The following TMPRSS7 variants were observed in gnomAD, a reference collection of about 807,000 sequenced individuals.
The protein encoded by TMPRSS7 is transmembrane serine protease 7.
A neutral mutation model predicts 95.6 loss-of-function variants in TMPRSS7; 81 were observed. The observed-to-expected ratio is 0.85, with a 90% CI of 0.71 to 1.02. The LOEUF is 1.02. Among genes scored for constraint, TMPRSS7 ranks in the 50% least tolerant of loss-of-function variants. The pLI, the probability that TMPRSS7 is intolerant of heterozygous loss-of-function variation, is 0.00. For synonymous variants in TMPRSS7, 364 were observed against 337.8 expected (o/e 1.08, Z -0.85); for missense variants, 945 against 955.2 (o/e 0.99, Z 0.14).
At chr3:112,066,661 C>T (rs2073579985) in intron 13 of TMPRSS7, among the ~76,000 whole-genome samples, 159 bp downstream of exon 13, 1 of 152,156 alleles carries the variant, frequency 6.6e-6, no homozygotes. Context: ...GTCTTGGGAA[C>T]CCCTTTAGTC....
chr3:112,065,314 T>A (rs941439638), intron 12 of TMPRSS7, among the ~76,000 whole-genome samples: 5 of 152,214 alleles, frequency 3.3e-5, no homozygotes, highest in African/African-American at 1.2e-4. Flanking sequence ...ACTGCTGGGA[T>A]TACAGGCACG....
intron 7 of TMPRSS7, 45 bp from the exon 8 acceptor site, chr3:112,049,797 CAA>C (rs774087075): frequency 6.9e-7 from 1 of 1,445,334 alleles, no homozygotes; most frequent in South Asian, 1.6e-5. Context: ...ACCCATTTCT[CAA>C]ATAACGTATT....
At chr3:112,079,720 T>C (rs2073755299) in intron 17 of TMPRSS7, among the ~76,000 whole-genome samples, 1 of 152,258 alleles carries the variant, frequency 6.6e-6, no homozygotes, top group South Asian at 2.1e-4. Context: ...CCACAAAAAC[T>C]CATCCTATAA....
intron 7 of TMPRSS7, among the ~76,000 whole-genome samples, chr3:112,048,913 A>T (rs2073312530): frequency 6.6e-6 from 1 of 152,178 alleles, no homozygotes; most frequent in Non-Finnish European, 1.5e-5. Flanking sequence ...GAAGGCAGGG[A>T]ACTTAAGGCC....
intron 11 of TMPRSS7, among the ~76,000 whole-genome samples, chr3:112,063,275 T>C (rs980907512): frequency 6.6e-6 from 1 of 152,218 alleles, no homozygotes; most frequent in African/African-American, 2.4e-5. Context: ...GAAGTTTGCT[T>C]GTGCATATGA....
At chr3:112,055,533 A>G (rs965370379) in intron 9 of TMPRSS7, among the ~76,000 whole-genome samples, 1 of 152,140 alleles carries the variant, frequency 6.6e-6, no homozygotes, top group Non-Finnish European at 1.5e-5. Flanking sequence ...GAGCAATACA[A>G]GTAATGGGTA....
chr3:112,038,122 G>A (rs1164937561), exon 2 of TMPRSS7: 1 of 702,602 alleles, frequency 1.4e-6, no homozygotes, highest in Non-Finnish European at 2.6e-6. Flanking sequence ...AGCTGCCAGT[G>A]AGACGACCAC....
intron 4 of TMPRSS7, among the ~76,000 whole-genome samples, chr3:112,045,044 A>G (rs1248408711): frequency 1.3e-5 from 2 of 152,226 alleles, no homozygotes; most frequent in South Asian, 2.1e-4. Context: ...TTTCTCACCT[A>G]TAAAACTGGA....
At chr3:112,049,915 C>T (rs768121460) in exon 8 of TMPRSS7, 83 of 1,566,990 alleles carry the variant, frequency 5.3e-5, no homozygotes, top group Non-Finnish European at 7.2e-5. Flanking sequence ...ACATTTAAGT[C>T]TCCTCATATA....
intron 10 of TMPRSS7, among the ~76,000 whole-genome samples, chr3:112,059,741 G>T (rs1259968633): frequency 6.6e-6 from 1 of 152,168 alleles, no homozygotes; most frequent in Non-Finnish European, 1.5e-5. Flanking sequence ...CAGGTTATCA[G>T]TTCCTGTACT....
chr3:112,051,668 C>CTATCATCTATCTATCT (rs61097993), intron 9 of TMPRSS7, among the ~76,000 whole-genome samples: 8 of 127,998 alleles, frequency 6.3e-5, no homozygotes, highest in South Asian at 2.8e-4. Flanking sequence ...ATCTATCTAT[C>CTATCATCTATCTATCT]ATCTATCTAT....
chr3:112,057,912 G>T (rs1247160633), intron 10 of TMPRSS7, among the ~76,000 whole-genome samples: 1 of 152,016 alleles, frequency 6.6e-6, no homozygotes, highest in Non-Finnish European at 1.5e-5. Flanking sequence ...TTTTAGTAGA[G>T]ATGGGGTTTT....
intron 2 of TMPRSS7, among the ~76,000 whole-genome samples, chr3:112,040,616 C>T (rs1470579768): frequency 3.3e-5 from 5 of 152,094 alleles, no homozygotes; most frequent in African/African-American, 1.2e-4. Context: ...GCTTATTTGC[C>T]GTGGTTTCTC....
chr3:112,040,249 C>T (rs1412302128), intron 2 of TMPRSS7, among the ~76,000 whole-genome samples: 1 of 152,168 alleles, frequency 6.6e-6, no homozygotes, highest in Non-Finnish European at 1.5e-5. Flanking sequence ...ATCAAACACA[C>T]CACGATGCAT....
chr3:112,063,462 T>G (rs1277315916), intron 11 of TMPRSS7, 63 bp from the exon 12 acceptor site: 1 of 1,249,086 alleles, frequency 8.0e-7, no homozygotes, highest in Non-Finnish European at 1.2e-6. Flanking sequence ...TTTGCTAATG[T>G]GGTCTAGTGA....
chr3:112,079,404 G>C (rs912908584), intron 17 of TMPRSS7, among the ~76,000 whole-genome samples: 1 of 152,166 alleles, frequency 6.6e-6, no homozygotes, highest in Admixed American at 6.5e-5. Context: ...GATTGCCAAA[G>C]AGTAAATAGA....
At chr3:112,052,997 G>A (rs74950308) in intron 9 of TMPRSS7, among the ~76,000 whole-genome samples, 3,742 of 152,134 alleles carry the variant, frequency 0.025, 157 homozygotes, top group African/African-American at 0.086. Flanking sequence ...AAGGAGGCAG[G>A]AAACAGCAGG....
exon 8 of TMPRSS7, chr3:112,049,897 T>C (rs1409468547): frequency 6.4e-7 from 1 of 1,561,234 alleles, no homozygotes; most frequent in Admixed American, 1.7e-5. Flanking sequence ...AATAATCTCA[T>C]GTTGGTGACA....
intron 9 of TMPRSS7, among the ~76,000 whole-genome samples, chr3:112,051,551 C>G (rs549291604): frequency 3.3e-5 from 5 of 149,680 alleles, no homozygotes; most frequent in Admixed American, 2.0e-4. Flanking sequence ...ATCTATCTAT[C>G]TATCTATCTA....
Sources: gnomAD v4.1 joint callset for allele counts (sites outside exome capture counted in the v4.1 genomes callset) on GRCh38, gnomAD v4.1.1 for gene constraint, MANE v1.5 for transcripts, NCBI Gene and HGNC (gene_info 2026-07-23, HGNC 2026-07-21) for gene names.